The following JDP2 variants were observed in gnomAD, a reference collection of about 807,000 sequenced individuals.
JDP2 encodes the protein progesterone receptor co-activator.
Under a neutral mutation model 17.1 loss-of-function variants are expected in JDP2, and 9 were observed. That is an observed-to-expected ratio of 0.53 (90% CI 0.32 to 0.92). The LOEUF is 0.92. Among genes scored for constraint, JDP2 ranks in the 40% least tolerant of loss-of-function variants. JDP2 has a pLI of 0.04. For synonymous variants in JDP2, 107 were observed against 95.6 expected, an observed-to-expected ratio of 1.12 and a Z score of -0.69; for missense variants, 179 against 220.0, an observed-to-expected ratio of 0.81 and a Z score of 1.18.
chr14:75,443,958 A>C (rs1313511470), intron 2 of JDP2, among the ~76,000 whole-genome samples: 1 of 151,752 alleles, frequency 6.6e-6, no homozygotes, highest in Non-Finnish European at 1.5e-5. Context: ...GCTGGAGTGC[A>C]ATGGCATGAT....
chr14:75,441,134 GGA>G (rs145100347), intron 2 of JDP2, among the ~76,000 whole-genome samples: 3 of 148,766 alleles, frequency 2.0e-5, no homozygotes, highest in East Asian at 4.0e-4. Context: ...AGAGAGAGAG[GGA>G]GAGAGAGAGA....
At position 75,432,879 on chromosome 14, in the gene JDP2, T is replaced by C. The variant is rs564648750; in HGVS notation, c.-24+4627T>C. ...GTACCTTTGACCCATAAAACAAGAC[T>C]GTTATCATTTATAGACACTTCCATT... On this transcript the variant is annotated intron_variant, in intron 1 of 3. Transcript: ENST00000651602. Among the ~76,000 whole-genome samples, 4 of 151,554 alleles carry C rather than the reference T, an allele frequency of 2.6e-5. No individual in the cohort carries two copies. In the East Asian group the frequency reaches 5.8e-4, roughly 22 times the overall value.
intron 1 of JDP2, among the ~76,000 whole-genome samples, chr14:75,429,075 C>T (rs61979239): frequency 6.6e-6 from 1 of 152,118 alleles, no homozygotes; most frequent in Non-Finnish European, 1.5e-5. Flanking sequence ...ACCTGGATCC[C>T]TGGACCCTGG....
intron 3 of JDP2, 49 bp from the exon 4 acceptor site, chr14:75,469,241 A>G: frequency 6.4e-7 from 1 of 1,572,664 alleles, no homozygotes; most frequent in Non-Finnish European, 8.7e-7. Context: ...GCCTCTCCCC[A>G]GAGCCAGTCC....
intron 2 of JDP2, among the ~76,000 whole-genome samples, chr14:75,454,428 G>A (rs1886010075): frequency 6.6e-6 from 1 of 152,190 alleles, no homozygotes; most frequent in Non-Finnish European, 1.5e-5. Context: ...GCTGAATAGA[G>A]CTGTGCTGGG....
chr14:75,452,304 C>T (rs964324562), intron 2 of JDP2, among the ~76,000 whole-genome samples: 12 of 152,198 alleles, frequency 7.9e-5, no homozygotes, highest in African/African-American at 1.4e-4. Flanking sequence ...CACTCCACCT[C>T]GCTGAGCCTC....
chr14:75,461,179 T>C (rs1345072316), intron 2 of JDP2, among the ~76,000 whole-genome samples: 1 of 152,186 alleles, frequency 6.6e-6, no homozygotes, highest in Non-Finnish European at 1.5e-5. Flanking sequence ...GGGAGACACA[T>C]TCAAACCAGA....
intron 1 of JDP2, among the ~76,000 whole-genome samples, chr14:75,429,512 C>A (rs950884902): frequency 6.6e-6 from 1 of 152,110 alleles, no homozygotes; most frequent in African/African-American, 2.4e-5. Context: ...ACTGCATTCG[C>A]GTATCATCTC....
At chr14:75,457,392 C>T (rs1407219257) in intron 2 of JDP2, among the ~76,000 whole-genome samples, 6 of 152,254 alleles carry the variant, frequency 3.9e-5, no homozygotes, top group African/African-American at 1.4e-4. Flanking sequence ...ACAGATGGCA[C>T]AGGCCATGTT....
chr14:75,436,306 G>A (rs1885060010), intron 1 of JDP2, among the ~76,000 whole-genome samples: 1 of 152,196 alleles, frequency 6.6e-6, no homozygotes, highest in Admixed American at 6.5e-5. Context: ...CAAGAACCAT[G>A]TGGCCATCTG....
chr14:75,459,307 G>C (rs1480656770), intron 2 of JDP2, among the ~76,000 whole-genome samples: 1 of 152,242 alleles, frequency 6.6e-6, no homozygotes, highest in African/African-American at 2.4e-5. Context: ...ATTTCAGCCA[G>C]GTTTCTATTT....
In JDP2 at chr14:75,438,109, C is replaced by A; in HGVS notation, c.189C>A (p.Pro63=). 6.2e-7 allele frequency: 1 copy of A among 1,608,562 alleles called. No homozygotes were observed. ...TGAAACTGGGCAAGAGGCCCCAGCC[C>A]GTGAAAAGTGAGGTGAGCGAGCCTT... is the stretch of plus-strand genomic sequence containing the variant. ...LEVKLGKRPQ[P]VKSELDEEEE... The change falls in exon 2 of 4, where the codon CCC becomes CCA. Residue 63 remains proline, a synonymous_variant. Coordinates refer to ENST00000651602, the MANE Select transcript of JDP2 (RefSeq NM_001135048.2).
intron 3 of JDP2, among the ~76,000 whole-genome samples, chr14:75,463,162 T>C (rs1886411843): frequency 6.6e-6 from 1 of 152,128 alleles, no homozygotes; most frequent in Non-Finnish European, 1.5e-5. Context: ...CAATAAAGAG[T>C]TGGTGCCCAA....
chr14:75,472,439 G>A lies in JDP2; in HGVS notation c.*2964G>A, dbSNP rs1172971696. On this transcript the variant is annotated 3_prime_UTR_variant, in exon 4 of 4. Coordinates refer to ENST00000651602, the MANE Select transcript of JDP2 (RefSeq NM_001135048.2). ...ACTTGTGCAGGAAGCCGGGAGAGAT[G>A]GCACAGACCCACCTGTGCTCACAGT... The A allele has an allele frequency of 6.6e-6, 1 of 152,220 alleles. No individual in the cohort carries two copies. Among genetic ancestry groups the A allele is most frequent in the Non-Finnish European group, 1.5e-5 (1 of 68,048 alleles). 9.4% of individuals were successfully genotyped at this position (152,220 alleles called of 1,614,324 possible).
In JDP2 at chr14:75,461,933, G is replaced by A. The variant is rs779098120; in HGVS notation, c.306+403G>A. Among the ~76,000 whole-genome samples the A allele has an allele frequency of 5.3e-4, 80 of 152,336 alleles. 1 individual carries two copies. The highest frequency in any genetic ancestry group is 1.6e-4 in the Non-Finnish European group (11 of 68,038). On this transcript the variant is annotated intron_variant, in intron 3 of 3. Coordinates refer to ENST00000651602, the MANE Select transcript of JDP2 (RefSeq NM_001135048.2). ...AGTAACATCCTGCATGTGGGCACTGGACACAGCCTCTGGCCTGGCTAACTT... is the reference window on the plus strand; with the variant it reads ...AGTAACATCCTGCATGTGGGCACTGAACACAGCCTCTGGCCTGGCTAACTT...
chr14:75,440,983 T>C (rs967902341), intron 2 of JDP2, among the ~76,000 whole-genome samples: 13 of 152,324 alleles, frequency 8.5e-5, no homozygotes, highest in African/African-American at 3.1e-4. Flanking sequence ...CTATACCCCT[T>C]CCAGGCTTCT....
intron 2 of JDP2, among the ~76,000 whole-genome samples, chr14:75,454,625 T>C (rs1566744081): frequency 6.6e-6 from 1 of 152,250 alleles, no homozygotes; most frequent in South Asian, 2.1e-4. Context: ...CAAACATGCA[T>C]GTGAAAAAGA....
At chr14:75,445,905 G>C (rs1019151311) in intron 2 of JDP2, among the ~76,000 whole-genome samples, 1 of 152,126 alleles carries the variant, frequency 6.6e-6, no homozygotes, top group Non-Finnish European at 1.5e-5. Flanking sequence ...GCAAATCGTA[G>C]ATCCAATAAG....
chr14:75,433,634 A>C (rs1426941314), intron 1 of JDP2, among the ~76,000 whole-genome samples: 1 of 148,676 alleles, frequency 6.7e-6, no homozygotes, highest in Non-Finnish European at 1.5e-5. Flanking sequence ...GCTGCATCAT[A>C]ATCTTAGGAT....
Sources: allele counts gnomAD v4.1 joint callset (sites outside exome capture counted in the v4.1 genomes callset), GRCh38; gene constraint gnomAD v4.1.1; transcripts MANE v1.5; gene names NCBI Gene and HGNC (gene_info 2026-07-23, HGNC 2026-07-21).